The following DMBT1 variants were observed in gnomAD, a reference collection of about 807,000 sequenced individuals.
DMBT1 encodes deleted in malignant brain tumors 1, also known as scavenger receptor cysteine-rich domain-containing protein DMBT1.
Under a neutral mutation model 252.9 loss-of-function variants are expected in DMBT1, and 198 were observed. The observed-to-expected ratio is 0.78, with a 90% CI of 0.70 to 0.88. The LOEUF (loss-of-function observed/expected upper bound fraction) is 0.88. Ranked by LOEUF, DMBT1 falls within the 40% of genes least tolerant of loss-of-function variation. DMBT1 has a pLI of 0.00. For synonymous variants in DMBT1, 990 were observed against 942.7 expected, an observed-to-expected ratio of 1.05 and a Z score of -0.92; for missense variants, 2,432 against 2,404.7, an observed-to-expected ratio of 1.01 and a Z score of -0.24.
At position 122,585,188 on chromosome 10, in the gene DMBT1, GC is replaced by G. The variant is rs376171933; in HGVS notation, c.1421-82del. 2,332 of 1,514,544 alleles carry G rather than the reference GC, an allele frequency of 1.5e-3. 80 individuals carry two copies. The African/African-American group carries it at 0.028, about 18-fold the overall frequency. The allele number at this position is 1,514,544 out of a possible 1,614,324, so 93.8% of individuals were successfully genotyped here. ...TCAGAAGTGGGGTAGTTTTCATGAT[GC>G]TCGCCTTCTCCGGAGACTTTTCCTT... On this transcript the variant is annotated intron_variant, in intron 14 of 55. Coordinates refer to ENST00000338354, the MANE Select transcript of DMBT1 (RefSeq NM_001377530.1).
intron 44 of DMBT1, among the ~76,000 whole-genome samples, chr10:122,623,340 T>A (rs1010909416): frequency 6.6e-6 from 1 of 152,248 alleles, no homozygotes; most frequent in South Asian, 2.1e-4. Flanking sequence ...ATCTTTTGGC[T>A]GTTGTGAATA....
intron 28 of DMBT1, 119 bp from the exon 29 acceptor site, chr10:122,601,677 TG>T: frequency 8.5e-7 from 1 of 1,173,394 alleles, no homozygotes; most frequent in Non-Finnish European, 1.2e-6. Context: ...CTGCATGCCC[TG>T]GTGACTTCTG....
At position 122,589,144 on chromosome 10, in the gene DMBT1, G is replaced by C. The variant is rs182080461; in HGVS notation, c.1984G>C (p.Gly662Arg). 2,676 of 1,588,422 alleles carry C rather than the reference G, an allele frequency of 1.7e-3. 120 individuals are homozygous for C. The African/African-American group carries it at 0.032, about 19-fold the overall frequency. Residue 662 changes from glycine (G) to arginine (R), a missense_variant, in exon 17 of 56, where the codon GGA becomes CGA. Coordinates refer to ENST00000338354, the MANE Select transcript of DMBT1 (RefSeq NM_001377530.1). The stretch of plus-strand genomic sequence containing the variant: ...AAATGCCCGGTTTGGTCAGGGCTCA[G>C]GACCCATTGTCCTGGATGATGTGCG... Reference protein sequence around the residue: ...PGNARFGQGSGPIVLDDVRCS... With the variant: ...PGNARFGQGSRPIVLDDVRCS...
chr10:122,643,016 G>A (rs1844845973), intron 55 of DMBT1, 106 bp from the exon 56 acceptor site: 1 of 1,445,038 alleles, frequency 6.9e-7, no homozygotes, highest in Non-Finnish European at 9.5e-7. Context: ...TGTGCAGGAG[G>A]CAGGGGCAGT....
intron 24 of DMBT1, 138 bp from the exon 25 acceptor site, chr10:122,597,836 G>A (rs538356212): frequency 7.7e-7 from 1 of 1,294,132 alleles, no homozygotes; most frequent in African/African-American, 1.5e-5. Flanking sequence ...TGCAGACTTG[G>A]GCAGACACAT....
intron 2 of DMBT1, among the ~76,000 whole-genome samples, chr10:122,566,603 C>A (rs1395041572): frequency 6.6e-6 from 1 of 152,182 alleles, no homozygotes; most frequent in Non-Finnish European, 1.5e-5. Flanking sequence ...AGCCACTGCG[C>A]CCGGCCTACC....
intron 52 of DMBT1, among the ~76,000 whole-genome samples, chr10:122,635,374 T>C (rs1328642678): frequency 6.6e-6 from 1 of 152,144 alleles, no homozygotes; most frequent in Non-Finnish European, 1.5e-5. Context: ...AGAAAAATGG[T>C]CTAAATCAGG....
intron 1 of DMBT1, 97 bp from the exon 2 acceptor site, chr10:122,565,870 C>G (rs2097585522): frequency 8.3e-7 from 1 of 1,201,378 alleles, no homozygotes; most frequent in Non-Finnish European, 1.2e-6. Context: ...ACAGCGCCCT[C>G]TGGTGTGATT....
chr10:122,579,621 C>T lies in DMBT1; in HGVS notation c.723C>T (p.Asp241=), dbSNP rs570964170. ...CCCTGAGGCTGGTGAATGGAGGCGA[C>T]AGGTGTCGAGGCCGAGTGGAGGTCC... ...SLALRLVNGG[D]RCRGRVEVLY... is the part of the protein sequence containing the mutation. Residue 241 remains aspartate, a synonymous_variant, in exon 10 of 56, where the codon GAC becomes GAT. Coordinates refer to ENST00000338354, the MANE Select transcript of DMBT1 (RefSeq NM_001377530.1). 62 of 1,613,572 alleles carry T rather than the reference C, an allele frequency of 3.8e-5. 2 individuals are homozygous for T. The highest frequency in any genetic ancestry group is 3.5e-4 in the African/African-American group (26 of 75,040).
Position 122,631,229 on chromosome 10 carries a change from C to G in DMBT1, c.6294C>G (p.Gly2098=). ...CTCTCTGGCAGTGCCGGAACCGAGG[C>G]TGGTTCTCCCACAACTGTAATCATC... ...ESTLWQCRNR[G]WFSHNCNHRE... Residue 2098 remains glycine (G), a synonymous_variant, in exon 49 of 56, where the codon GGC becomes GGG. Coordinates refer to ENST00000338354, the MANE Select transcript of DMBT1 (RefSeq NM_001377530.1). 1 of 1,614,014 alleles carries G rather than the reference C, an allele frequency of 6.2e-7. No individual in the cohort carries two copies. The highest frequency in any genetic ancestry group is 1.1e-5 in the South Asian group (1 of 91,080).
At position 122,580,868 on chromosome 10, in the gene DMBT1, C is replaced by A. The variant is rs201715243; in HGVS notation, c.1006C>A (p.Pro336Thr). ...ACCTTCTCTTCTCTTTCTCACAGCT[C>A]CCCAGTCCCGGCCGACACCCAGCCC... ...SEDAGVICSA[P>T]QSRPTPSPDT... The change falls in exon 11 of 56, where the codon CCC (proline) becomes ACC (threonine). Residue 336 changes from proline to threonine, a missense_variant and splice_region_variant. Physicochemically the swap from Pro to Thr is conservative, Grantham distance 38 (BLOSUM62 -1). Around this residue, in one of 3 missense-constraint regions of DMBT1, gnomAD observed 1,264 missense variants for 1,082.2 expected, o/e 1.17. Transcript: ENST00000338354. 1 of 1,613,730 alleles carries A rather than the reference C, an allele frequency of 6.2e-7. No individual in the cohort carries two copies. Among genetic ancestry groups the A allele is most frequent in the East Asian group, 2.2e-5 (1 of 44,864 alleles).
chr10:122,572,385 C>A, intron 5 of DMBT1, 24 bp downstream of exon 5: 1 of 1,611,538 alleles, frequency 6.2e-7, no homozygotes, highest in African/African-American at 1.3e-5. Flanking sequence ...TGGGGGAGCT[C>A]TATGGGCTCA....
rs2097824148 is a variant in DMBT1, at chr10:122,589,172, G to C, written c.2012G>C (p.Cys671Ser). The change falls in exon 17 of 56, where the codon TGC becomes TCC. Residue 671 changes from cysteine (C) to serine (S), a missense_variant. Physicochemically the swap from Cys to Ser is moderately radical, Grantham distance 112. Transcript: ENST00000338354. ...CCCATTGTCCTGGATGATGTGCGCT[G>C]CTCAGGACATGAGTCCTACCTGTGG... ...SGPIVLDDVRCSGHESYLWSC... is the reference protein window; with the variant it reads ...SGPIVLDDVRSSGHESYLWSC... 8 of 1,588,338 alleles carry C rather than the reference G, an allele frequency of 5.0e-6. 1 individual carries two copies. The Admixed American group carries it at 6.7e-5, about 13-fold the overall frequency.
rs567990357 is a variant in DMBT1 at position 122,579,506 on chromosome 10, G to C, written c.680-72G>C. 25 of 1,607,004 alleles carry C rather than the reference G, an allele frequency of 1.6e-5. No homozygotes were observed. In the African/African-American group the frequency reaches 3.1e-4, roughly 20 times the overall value. On this transcript the variant is annotated intron_variant, in intron 9 of 55. Transcript: ENST00000338354. ...GACTTAGTTCATTAGGAAGTACCCT[G>C]AGTGTGGAACTTACCTTAGATTCTT...
intron 50 of DMBT1, among the ~76,000 whole-genome samples, chr10:122,632,488 G>A (rs1008122447): frequency 2.0e-5 from 3 of 151,948 alleles, no homozygotes; most frequent in African/African-American, 4.8e-5. Flanking sequence ...CCATCTACAC[G>A]GAGGTTCCCA....
chr10:122,579,486 A>C (rs1030197491), intron 9 of DMBT1, 92 bp from the exon 10 acceptor site: 6 of 1,593,494 alleles, frequency 3.8e-6, no homozygotes, highest in Non-Finnish European at 5.1e-6. Flanking sequence ...TAGGTGACTT[A>C]GTTCATTAGG....
chr10:122,566,021 T>C, intron 2 of DMBT1, 25 bp downstream of exon 2: 2 of 1,613,518 alleles, frequency 1.2e-6, no homozygotes, highest in Non-Finnish European at 1.7e-6. Flanking sequence ...TCACTCCTCT[T>C]CCCTGGTGGG....
At chr10:122,624,786 C>T (rs531779588) in intron 44 of DMBT1, among the ~76,000 whole-genome samples, 6 of 152,294 alleles carry the variant, frequency 3.9e-5, no homozygotes, top group South Asian at 2.1e-4. Flanking sequence ...TGGAGCTGCC[C>T]GCACAATGGC....
intron 40 of DMBT1, among the ~76,000 whole-genome samples, chr10:122,617,647 C>T (rs1225194736): frequency 3.3e-5 from 5 of 151,628 alleles, no homozygotes; most frequent in Non-Finnish European, 2.9e-5. Context: ...TGGAAATTTG[C>T]CAGAAACCAG....
Sources: gnomAD v4.1 joint callset for allele counts (sites outside exome capture counted in the v4.1 genomes callset) on GRCh38, gnomAD v4.1.1 for gene constraint, gnomAD v4.1.1 regional missense constraint, MANE v1.5 for transcripts, NCBI Gene and HGNC (gene_info 2026-07-23, HGNC 2026-07-21) for gene names.